HOXA3: variants seen among roughly 807,000 people sequenced by gnomAD.
HOXA3 encodes homeobox A3.
Under a neutral mutation model 30.3 loss-of-function variants are expected in HOXA3, and 8 were observed. The observed-to-expected ratio is 0.26, with a 90% CI of 0.15 to 0.48. The LOEUF is 0.48. Among genes scored for constraint, HOXA3 ranks in the 20% least tolerant of loss-of-function variants. The pLI, the probability that HOXA3 is intolerant of heterozygous loss-of-function variation, is 0.99. For synonymous variants in HOXA3, 323 were observed against 273.1 expected, an observed-to-expected ratio of 1.18 and a Z score of -1.80; for missense variants, 653 against 614.4, an observed-to-expected ratio of 1.06 and a Z score of -0.66.
intron 1 of HOXA3, chr7:27,141,898 C>T (rs1327212569): frequency 1.2e-6 from 2 of 1,614,074 alleles, no homozygotes; most frequent in African/African-American, 2.7e-5. Flanking sequence ...TATCTTTTTT[C>T]CACTTCATTC....
At chr7:27,112,195 T>G (rs1784415828) in intron 4 of HOXA3, among the ~76,000 whole-genome samples, 1 of 152,156 alleles carries the variant, frequency 6.6e-6, no homozygotes, top group Non-Finnish European at 1.5e-5. Context: ...ACACACACAC[T>G]CAGAATCTTA....
chr7:27,110,851 A>G (rs1784332893), intron 4 of HOXA3, 91 bp from the exon 5 acceptor site: 1 of 653,584 alleles, frequency 1.5e-6, no homozygotes, highest in South Asian at 2.3e-5. Flanking sequence ...ATAAAAGAAA[A>G]AGTGGTCAGC....
At position 27,110,350 on chromosome 7, in the gene HOXA3, G is replaced by C; in HGVS notation, c.291C>G (p.Ala97=). The change falls in exon 5 of 6, where the codon GCC becomes GCG. Residue 97 remains alanine (A), a synonymous_variant. Transcript: ENST00000612286. ...GAGGCGGCTGTGGGGCAGGGGGCGC[G>C]GCCTGGGGCGGCGGCGGGTGCAGGG... is the stretch of plus-strand genomic sequence containing the variant. ...EPPLHPPPPQ[A]APPAPQPPQP... 1 of 1,504,216 alleles carries C rather than the reference G, an allele frequency of 6.6e-7. No homozygotes were observed. Among genetic ancestry groups the C allele is most frequent in the East Asian group, 2.4e-5 (1 of 41,776 alleles). 93.2% of individuals were successfully genotyped at this position (1,504,216 alleles called of 1,614,324 possible).
chr7:27,129,310 G>A (rs745306908), intron 2 of HOXA3: 3 of 1,614,080 alleles, frequency 1.9e-6, no homozygotes, highest in South Asian at 2.2e-5. Flanking sequence ...TTTCCCTGGT[G>A]GGCCGGCAGA....
rs529990763 is a variant in HOXA3, at chr7:27,131,056, G to C, written c.-389-3986C>G. On this transcript the variant is annotated intron_variant, in intron 2 of 5. Transcript: ENST00000612286. ...GCTGTCCGGCCCCTGGGCTGGGGGA[G>C]GGAGCAGGAGCTTTGGACCCCAGCC... Among the ~76,000 whole-genome samples the C allele has an allele frequency of 7.9e-5, 12 of 152,258 alleles. No homozygotes were observed. The South Asian group carries it at 2.1e-3, about 26-fold the overall frequency.
At chr7:27,114,480 A>G (rs571609300) in intron 4 of HOXA3, among the ~76,000 whole-genome samples, 1 of 151,916 alleles carries the variant, frequency 6.6e-6, no homozygotes, top group East Asian at 1.9e-4. Flanking sequence ...GCTTTTCTCT[A>G]GAGACCCTCA....
intron 1 of HOXA3, among the ~76,000 whole-genome samples, chr7:27,146,236 GGTGTGTGTGTGTGTTTGTGTGT>G (rs1782761199): frequency 8.8e-6 from 1 of 113,644 alleles, no homozygotes; most frequent in Non-Finnish European, 1.8e-5. Flanking sequence ...GGGGATGCAG[GGTGTGTGTGTGTGTTTGTGTGT>G]GTGTGTGTGT....
chr7:27,148,174 C>T (rs913055537), intron 1 of HOXA3, among the ~76,000 whole-genome samples: 3 of 152,260 alleles, frequency 2.0e-5, no homozygotes, highest in Admixed American at 6.5e-5. Flanking sequence ...TTGAATTTTG[C>T]GGGTTCCCCG....
intron 4 of HOXA3, among the ~76,000 whole-genome samples, chr7:27,120,667 C>T (rs1784961682): frequency 6.6e-6 from 1 of 151,982 alleles, no homozygotes. Context: ...CGGCTGCTAA[C>T]ATCCAGTTAA....
At position 27,131,402 on chromosome 7, in the gene HOXA3, A is replaced by G. The variant is rs1392872063; in HGVS notation, c.-389-4332T>C. 2.0e-5 allele frequency among the ~76,000 whole-genome samples: 3 copies of G among 152,160 alleles called. 1 individual carries two copies. The highest frequency in any genetic ancestry group is 7.2e-5 in the African/African-American group (3 of 41,440). ...TGTCAGCCTGAGAGCCCTTGCTTTG[A>G]GAAGCTTGGCAGAAGCTGCAAAGGG... On this transcript the variant is annotated intron_variant, in intron 2 of 5. Coordinates refer to ENST00000612286, the MANE Select transcript of HOXA3 (RefSeq NM_153631.3).
At chr7:27,120,484 T>C (rs1250649576) in intron 4 of HOXA3, among the ~76,000 whole-genome samples, 2 of 140,178 alleles carry the variant, frequency 1.4e-5, no homozygotes, top group Non-Finnish European at 3.0e-5. Flanking sequence ...GAGGTTGCAG[T>C]GAGCTGAGAT....
Position 27,145,468 on chromosome 7 carries a change from T to A in HOXA3, c.-493-5282A>T, listed in dbSNP as rs896189264. Reference sequence around the variant, plus strand: ...TGAGGTTTTGTTTTGTTTTGTTTTGTTTTGTTTTGTTTTGTTTTGTTTTGT... The same window carrying A: ...TGAGGTTTTGTTTTGTTTTGTTTTGATTTGTTTTGTTTTGTTTTGTTTTGT... On this transcript the variant is annotated intron_variant, in intron 1 of 5. Coordinates refer to ENST00000612286, the MANE Select transcript of HOXA3 (RefSeq NM_153631.3). 71 of 718,362 alleles carry A rather than the reference T, an allele frequency of 9.9e-5. 3 individuals carry two copies. Among genetic ancestry groups the A allele is most frequent in the Non-Finnish European group, 1.5e-4 (67 of 436,464 alleles). The allele number at this position is 718,362 out of a possible 1,614,324, so 44.5% of individuals were successfully genotyped here.
intron 4 of HOXA3, among the ~76,000 whole-genome samples, chr7:27,118,358 G>C (rs1167468032): frequency 1.3e-5 from 2 of 152,196 alleles, no homozygotes; most frequent in Non-Finnish European, 2.9e-5. Flanking sequence ...AAGCCTGTCT[G>C]GGTCTCCGCT....
rs959267530 is a variant in HOXA3, at chr7:27,152,516, A to C, written c.-722T>G. ...CCCTTCGCTCGCCATCTCCGGACAA[A>C]GCACAGCCGAGCCCGGCTGGAAGGC... On this transcript the variant is annotated 5_prime_UTR_variant, in exon 1 of 6. Transcript: ENST00000612286. 4.2e-5 allele frequency: 50 copies of C among 1,177,296 alleles called. No individual in the cohort carries two copies. Among genetic ancestry groups the C allele is most frequent in the Non-Finnish European group, 5.0e-5 (47 of 936,570 alleles). The allele number at this position is 1,177,296 out of a possible 1,614,324, so 72.9% of individuals were successfully genotyped here. A position where few individuals can be genotyped will look rare whatever the true frequency, so the allele number is the denominator to read the frequency against.
chr7:27,145,470 T>G, intron 1 of HOXA3: 3 of 725,832 alleles, frequency 4.1e-6, no homozygotes, highest in Non-Finnish European at 4.5e-6. Context: ...TTGTTTTGTT[T>G]TGTTTTGTTT....
chr7:27,141,824 C>T (rs544222737), intron 1 of HOXA3: 22 of 1,613,018 alleles, frequency 1.4e-5, no homozygotes, highest in Admixed American at 5.0e-5. Flanking sequence ...GTACTTTAAA[C>T]GCTCAGATAC....
chr7:27,122,839 G>A (rs1209282788), intron 3 of HOXA3, 197 bp from the exon 4 acceptor site: 1 of 152,094 alleles, frequency 6.6e-6, no homozygotes, highest in Non-Finnish European at 1.5e-5. Flanking sequence ...GTCCGAAGAT[G>A]GTGATTTATT....
chr7:27,121,889 T>G (rs1785028832), intron 4 of HOXA3: 1 of 152,722 alleles, frequency 6.5e-6, no homozygotes. Flanking sequence ...TTGAAAATAA[T>G]TTAAAAGAGT....
chr7:27,147,587 G>GT, intron 1 of HOXA3: 8 of 1,614,246 alleles, frequency 5.0e-6, no homozygotes, highest in Non-Finnish European at 6.8e-6. Context: ...TAGAAACAAG[G>GT]TGAGGTGTAC....
Sources: allele counts gnomAD v4.1 joint callset (sites outside exome capture counted in the v4.1 genomes callset), GRCh38; gene constraint gnomAD v4.1.1; transcripts MANE v1.5; gene names NCBI Gene and HGNC (gene_info 2026-07-23, HGNC 2026-07-21).